CRYBG3: variants seen among roughly 807,000 people sequenced by gnomAD.
CRYBG3 encodes very large A-kinase anchor protein.
In CRYBG3, 127 loss-of-function variants were observed where a neutral mutation model predicts 244.2. The observed-to-expected ratio is 0.52, with a 90% CI of 0.45 to 0.60. The LOEUF is 0.60. Ranked by LOEUF, CRYBG3 falls within the 20% of genes least tolerant of loss-of-function variation. The pLI, the probability that CRYBG3 is intolerant of heterozygous loss-of-function variation, is 0.00. For synonymous variants in CRYBG3, 1,132 were observed against 1,195.8 expected (o/e 0.95, Z 1.10); for missense variants, 3,325 against 3,442.5 (o/e 0.97, Z 0.85).
chr3:97,830,529 A>AT (rs1263895606), intron 1 of CRYBG3, among the ~76,000 whole-genome samples: 2 of 151,108 alleles, frequency 1.3e-5, no homozygotes, highest in South Asian at 2.1e-4. Flanking sequence ...CATGTTAGAT[A>AT]TTTTTTTTGT....
intron 1 of CRYBG3, among the ~76,000 whole-genome samples, chr3:97,824,672 A>AT (rs2038555383): frequency 6.6e-6 from 1 of 152,246 alleles, no homozygotes; most frequent in South Asian, 2.1e-4. Context: ...AAGAAGGCCT[A>AT]TTAGCATCAA....
chr3:97,901,989 A>G (rs928998022), intron 15 of CRYBG3, among the ~76,000 whole-genome samples: 2 of 152,230 alleles, frequency 1.3e-5, no homozygotes, highest in Admixed American at 6.6e-5. Flanking sequence ...TGCTTTACCC[A>G]GTATCAAAGG....
Position 97,929,452 on chromosome 3 carries a change from C to G in CRYBG3, c.8242-4242C>G, listed in dbSNP as rs146519761. 2.0e-5 allele frequency among the ~76,000 whole-genome samples: 3 copies of G among 151,902 alleles called. No homozygotes were observed. In the South Asian group the frequency reaches 6.2e-4, roughly 31 times the overall value. Reference sequence around the variant, plus strand: ...TTCCAAAAGATTATTAACCACCCCCCATCATCCTGCCCAGGTTAGCACTGT... The same window carrying G: ...TTCCAAAAGATTATTAACCACCCCCGATCATCCTGCCCAGGTTAGCACTGT... On this transcript the variant is annotated intron_variant, in intron 17 of 21. Coordinates refer to ENST00000389622, the MANE Select transcript of CRYBG3 (RefSeq NM_153605.4).
intron 7 of CRYBG3, among the ~76,000 whole-genome samples, chr3:97,883,827 G>A (rs1376806078): frequency 6.6e-6 from 1 of 152,084 alleles, no homozygotes; most frequent in Non-Finnish European, 1.5e-5. Context: ...TCTTCCTATC[G>A]TTGCTTCACT....
intron 7 of CRYBG3, among the ~76,000 whole-genome samples, chr3:97,884,923 C>T (rs2039490410): frequency 1.3e-5 from 2 of 152,010 alleles, no homozygotes; most frequent in African/African-American, 4.8e-5. Flanking sequence ...TAGAGTACAC[C>T]ACCCAAACAT....
chr3:97,829,717 A>C (rs772682209), intron 1 of CRYBG3, among the ~76,000 whole-genome samples: 1 of 152,198 alleles, frequency 6.6e-6, no homozygotes, highest in Non-Finnish European at 1.5e-5. Context: ...TGTGTCAAGC[A>C]CCAGTCTAGG....
Position 97,874,324 on chromosome 3 carries a change from T to C in CRYBG3, c.3130T>C (p.Tyr1044His). The C allele has an allele frequency of 6.5e-7, 1 of 1,527,758 alleles. No homozygotes were observed. The highest frequency in any genetic ancestry group is 8.7e-7 in the Non-Finnish European group (1 of 1,144,806). The allele number at this position is 1,527,758 out of a possible 1,614,324, so 94.6% of individuals were successfully genotyped here. Reference sequence around the variant, plus strand: ...GAAATTGGAAAAGAAATCCTCATCTTACAGAAAGAAAGAGAACATCCATTT... The same window carrying C: ...GAAATTGGAAAAGAAATCCTCATCTCACAGAAAGAAAGAGAACATCCATTT... ...VLKLEKKSSSYRKKENIHFLN... is the reference protein window; with the variant it reads ...VLKLEKKSSSHRKKENIHFLN... The change falls in exon 4 of 22, where the codon TAC becomes CAC. Residue 1044 changes from tyrosine (Y) to histidine (H), a missense_variant. Tyr to His is a moderately conservative substitution (Grantham distance 83, BLOSUM62 2). Transcript: ENST00000389622.
intron 2 of CRYBG3, among the ~76,000 whole-genome samples, chr3:97,861,646 T>C (rs2039150372): frequency 6.6e-6 from 1 of 152,088 alleles, no homozygotes; most frequent in Admixed American, 6.6e-5. Flanking sequence ...GGAGAGCAAC[T>C]AGAATGAACA....
intron 2 of CRYBG3, among the ~76,000 whole-genome samples, chr3:97,843,998 A>G (rs893298511): frequency 2.6e-5 from 4 of 152,144 alleles, no homozygotes; most frequent in Admixed American, 6.6e-5. Flanking sequence ...CCTTCTGGGG[A>G]TTTCAGAATA....
chr3:97,883,460 T>C (rs2039473465), intron 7 of CRYBG3, among the ~76,000 whole-genome samples: 1 of 152,066 alleles, frequency 6.6e-6, no homozygotes, highest in Non-Finnish European at 1.5e-5. Context: ...GAGTAATATA[T>C]GGCAAACAGC....
intron 2 of CRYBG3, among the ~76,000 whole-genome samples, chr3:97,852,000 A>C (rs2038993225): frequency 6.6e-6 from 1 of 152,208 alleles, no homozygotes; most frequent in Non-Finnish European, 1.5e-5. Context: ...TTATAGAAGA[A>C]GGAAGAAAGG....
intron 12 of CRYBG3, among the ~76,000 whole-genome samples, chr3:97,897,157 C>G (rs775093839): frequency 1.3e-5 from 2 of 151,902 alleles, no homozygotes; most frequent in Admixed American, 6.6e-5. Flanking sequence ...CTTTACGCCT[C>G]TTTTCAGATC....
At chr3:97,941,120 T>A (rs774904783) in intron 19 of CRYBG3, 28 bp from the exon 20 acceptor site, 8 of 1,571,552 alleles carry the variant, frequency 5.1e-6, no homozygotes, top group Non-Finnish European at 6.9e-6. Flanking sequence ...AAAAGTTTAT[T>A]TCTAAATGGC....
In CRYBG3 at chr3:97,875,179, G is replaced by T; in HGVS notation, c.3985G>T (p.Glu1329Ter). ...KLRNDTFEDT[E>*]DTWDSELQAN... The stretch of plus-strand genomic sequence containing the variant: ...GAGAAATGATACTTTTGAAGATACT[G>T]AGGATACTTGGGATTCTGAACTTCA... Residue 1329 changes from glutamate (E) to a stop codon, truncating the protein, a stop_gained, in exon 4 of 22, where the codon GAG (glutamate) becomes TAG (stop). Transcript: ENST00000389622. LOFTEE classifies it high-confidence loss of function. 6.5e-7 allele frequency: 1 copy of T among 1,535,326 alleles called. No homozygotes were observed. The highest frequency in any genetic ancestry group is 1.2e-5 in the South Asian group (1 of 83,920).
At chr3:97,904,628 G>C (rs1443607530) in intron 15 of CRYBG3, among the ~76,000 whole-genome samples, 2 of 151,850 alleles carry the variant, frequency 1.3e-5, no homozygotes, top group Non-Finnish European at 2.9e-5. Context: ...TAGTGAACAA[G>C]ACAACCTGTC....
chr3:97,940,276 A>C (rs2040212623), intron 19 of CRYBG3, among the ~76,000 whole-genome samples: 1 of 152,030 alleles, frequency 6.6e-6, no homozygotes, highest in African/African-American at 2.4e-5. Flanking sequence ...CCTGTGCCTA[A>C]GAGCAACTAG....
At chr3:97,918,210 C>A (rs2039947205) in intron 17 of CRYBG3, among the ~76,000 whole-genome samples, 1 of 152,116 alleles carries the variant, frequency 6.6e-6, no homozygotes, top group Admixed American at 6.5e-5. Flanking sequence ...TTAAGTGTCA[C>A]AATGGTATAA....
intron 2 of CRYBG3, among the ~76,000 whole-genome samples, chr3:97,849,459 A>C (rs1294520568): frequency 6.6e-6 from 1 of 152,024 alleles, no homozygotes; most frequent in African/African-American, 2.4e-5. Context: ...AGTGAGTGCT[A>C]CTGGAGTGCC....
At chr3:97,941,762 T>C (rs1346519377) in intron 20 of CRYBG3, 1 of 153,412 alleles carries the variant, frequency 6.5e-6, no homozygotes, top group East Asian at 1.9e-4. Flanking sequence ...TTTAGGGTTC[T>C]TTTCTATGAC....
Sources: allele counts gnomAD v4.1 joint callset (sites outside exome capture counted in the v4.1 genomes callset), GRCh38; gene constraint gnomAD v4.1.1; transcripts MANE v1.5; gene names NCBI Gene and HGNC (gene_info 2026-07-23, HGNC 2026-07-21).